Variants in ETV1 observed in about 807,000 individuals in gnomAD.
ETV1 encodes the protein ETS variant transcription factor 1.
In ETV1, 27 loss-of-function variants were observed where a neutral mutation model predicts 62.3. The ratio of observed to expected loss-of-function variants is 0.43; its 90% CI spans 0.32 to 0.60. The LOEUF (loss-of-function observed/expected upper bound fraction) is 0.60, where lower values mean the gene tolerates loss of function less well. Ranked by LOEUF, ETV1 falls within the 20% of genes least tolerant of loss-of-function variation. The pLI is 0.06. For missense variants in ETV1, 605 were observed against 605.8 expected, an observed-to-expected ratio of 1.00 and a Z score of 0.01; for synonymous variants, 222 against 199.6, an observed-to-expected ratio of 1.11 and a Z score of -0.94.
upstream of ETV1, chr7:13,989,815 G>A: frequency 2.6e-6 from 1 of 387,838 alleles, no homozygotes; most frequent in Non-Finnish European, 4.6e-6. Flanking sequence ...GCCCCTTCCC[G>A]CGGGTCTCCC....
chr7:13,986,192 C>A (rs900730682), intron 5 of ETV1: 6 of 1,584,356 alleles, frequency 3.8e-6, no homozygotes, highest in Admixed American at 3.6e-5. Flanking sequence ...CCTGATGAAC[C>A]CAGAGAAACT....
At chr7:13,906,310 G>T in intron 12 of ETV1, 120 bp downstream of exon 12, 1 of 656,832 alleles carries the variant, frequency 1.5e-6, no homozygotes, top group South Asian at 3.8e-5. Context: ...TTTTAATTCA[G>T]AAAGTTTCCC....
rs3801100 is a variant in ETV1, at chr7:13,956,257, T to G, written c.236-17011A>C. On this transcript the variant is annotated intron_variant, in intron 6 of 13. Coordinates refer to ENST00000430479, the MANE Select transcript of ETV1 (RefSeq NM_004956.5). ...TAATCCAGAAGGCCTTCTTAAATGT[T>G]CGTTAAATTCTTGTTACACTTTATA... 9.1e-4 allele frequency among the ~76,000 whole-genome samples: 139 copies of G among 152,300 alleles called. 2 individuals carry two copies. In the East Asian group the frequency reaches 0.024, roughly 26 times the overall value.
intron 11 of ETV1, chr7:13,907,797 G>T: frequency 2.1e-6 from 1 of 469,038 alleles, no homozygotes; most frequent in South Asian, 1.6e-5. Flanking sequence ...ACTTACCTAT[G>T]GTCAGTAGAG....
In ETV1 at chr7:13,900,833, G is replaced by A; in HGVS notation, c.1117C>T (p.Arg373Ter). The A allele has an allele frequency of 6.2e-7, 1 of 1,604,468 alleles. No individual in the cohort carries two copies. The highest frequency in any genetic ancestry group is 8.5e-7 in the Non-Finnish European group (1 of 1,175,050). The change falls in exon 13 of 14, where the codon CGA becomes TGA. Residue 373 changes from arginine (R) to a stop codon, truncating the protein, a stop_gained. Coordinates refer to ENST00000430479, the MANE Select transcript of ETV1 (RefSeq NM_004956.5). LOFTEE classifies it high-confidence loss of function. Reference protein sequence around the residue: ...FKLIEPEEVARRWGIQKNRPA... With the variant: ...FKLIEPEEVA ...CTGTTTTTCTGAATGCCCCAACGTC[G>A]GGCCACCTGCCGCGAAACAGAATTA... is the stretch of plus-strand genomic sequence containing the variant.
At chr7:13,924,230 G>A (rs373399194) in intron 9 of ETV1, among the ~76,000 whole-genome samples, 1 of 151,946 alleles carries the variant, frequency 6.6e-6, no homozygotes, top group Non-Finnish European at 1.5e-5. Flanking sequence ...AGCCATCAAG[G>A]GCATTAAGAA....
chr7:13,934,362 A>G (rs1204053384), intron 8 of ETV1, among the ~76,000 whole-genome samples: 2 of 152,228 alleles, frequency 1.3e-5, no homozygotes, highest in Non-Finnish European at 2.9e-5. Context: ...TAGCAAAATG[A>G]GTTTCTGAAT....
chr7:13,930,797 T>TA (rs146350506), intron 9 of ETV1, among the ~76,000 whole-genome samples: 55,413 of 148,690 alleles, frequency 0.37, 11,360 homozygotes, highest in East Asian at 0.61. Flanking sequence ...CCAATATATA[T>TA]TTTTTTTTTT....
intron 11 of ETV1, chr7:13,907,748 T>A: frequency 2.2e-6 from 1 of 451,948 alleles, no homozygotes; most frequent in South Asian, 1.6e-5. Context: ...TCATACTAAG[T>A]GTGCATTATA....
intron 3 of ETV1, chr7:13,988,549 C>G: frequency 1.3e-6 from 1 of 759,928 alleles, no homozygotes; most frequent in Non-Finnish European, 1.9e-6. Context: ...GCCCCTCCTC[C>G]CCACCCCACC....
rs1400010768 is a variant in ETV1 at position 13,905,314 on chromosome 7, C to G, written c.1110+1116G>C. On this transcript the variant is annotated intron_variant, in intron 12 of 13. Transcript: ENST00000430479. The stretch of plus-strand genomic sequence containing the variant: ...GTGTATATGAAAATCACTTTGGGTT[C>G]AAACATTTTTTAAACTTACTGAATT... Among the ~76,000 whole-genome samples the G allele has an allele frequency of 3.3e-5, 5 of 152,168 alleles. No homozygotes were observed. The East Asian group carries it at 5.8e-4, about 18-fold the overall frequency.
intron 6 of ETV1, among the ~76,000 whole-genome samples, chr7:13,949,480 G>A (rs1304723748): frequency 6.6e-6 from 1 of 152,150 alleles, no homozygotes; most frequent in African/African-American, 2.4e-5. Flanking sequence ...ACACACAGAA[G>A]CAGAAGGCAT....
At chr7:13,909,496 T>A in intron 11 of ETV1, 136 bp downstream of exon 11, 1 of 688,668 alleles carries the variant, frequency 1.5e-6, no homozygotes, top group Non-Finnish European at 2.6e-6. Context: ...TAGGTCAACG[T>A]TGGCTAAAAT....
intron 5 of ETV1, among the ~76,000 whole-genome samples, chr7:13,981,333 C>G (rs1295794665): frequency 6.6e-6 from 1 of 152,018 alleles, no homozygotes; most frequent in Non-Finnish European, 1.5e-5. Flanking sequence ...AAAACACAGT[C>G]CAGCATATGA....
chr7:13,897,004 T>A (rs1226992526), intron 13 of ETV1, among the ~76,000 whole-genome samples: 1 of 152,118 alleles, frequency 6.6e-6, no homozygotes, highest in Non-Finnish European at 1.5e-5. Context: ...CTGCCTGGAA[T>A]AAAGAAGTAG....
intron 6 of ETV1, among the ~76,000 whole-genome samples, chr7:13,941,566 G>C (rs894970467): frequency 6.6e-6 from 1 of 152,086 alleles, no homozygotes; most frequent in Non-Finnish European, 1.5e-5. Context: ...GAAAACCCAC[G>C]AAGAATTTAA....
At chr7:13,973,775 T>C (rs1324184346) in intron 6 of ETV1, among the ~76,000 whole-genome samples, 1 of 152,164 alleles carries the variant, frequency 6.6e-6, no homozygotes, top group East Asian at 1.9e-4. Context: ...CTAATTAAAG[T>C]AAAATAAACC....
At chr7:13,897,702 G>T (rs953350461) in intron 13 of ETV1, among the ~76,000 whole-genome samples, 18 of 152,054 alleles carry the variant, frequency 1.2e-4, no homozygotes, top group African/African-American at 3.9e-4. Flanking sequence ...AGAAAATTAA[G>T]ATCTTAAAGG....
intron 5 of ETV1, among the ~76,000 whole-genome samples, chr7:13,983,412 G>C (rs947890153): frequency 1.3e-5 from 2 of 151,846 alleles, no homozygotes; most frequent in African/African-American, 4.8e-5. Context: ...TTTTAACTAT[G>C]ACTTTCAGGT....
Sources: allele counts gnomAD v4.1 joint callset (sites outside exome capture counted in the v4.1 genomes callset), GRCh38; gene constraint gnomAD v4.1.1; transcripts MANE v1.5; gene names NCBI Gene and HGNC (gene_info 2026-07-23, HGNC 2026-07-21).